Variants in CACNG4 observed in about 807,000 individuals in gnomAD.
CACNG4 encodes calcium voltage-gated channel auxiliary subunit gamma 4, also known as voltage-dependent calcium channel gamma-4 subunit.
Under a neutral mutation model 22.9 loss-of-function variants are expected in CACNG4, and 8 were observed. The observed-to-expected ratio is 0.35, with a 90% CI of 0.21 to 0.63. The LOEUF is 0.63. CACNG4 is among the 30% of genes least tolerant of loss of function. The pLI, the probability that CACNG4 is intolerant of heterozygous loss-of-function variation, is 0.72. For missense variants in CACNG4, 357 were observed against 455.4 expected (o/e 0.78, Z 1.97); for synonymous variants, 188 against 191.9 (o/e 0.98, Z 0.17).
At chr17:66,965,749 G>A (rs1041089432) in intron 1 of CACNG4, among the ~76,000 whole-genome samples, 2 of 151,966 alleles carry the variant, frequency 1.3e-5, no homozygotes, top group Admixed American at 6.5e-5. Flanking sequence ...CGGAGCCGGG[G>A]TAGGGGCTGA....
chr17:67,004,460 G>A (rs966305362), intron 1 of CACNG4, among the ~76,000 whole-genome samples: 2 of 152,154 alleles, frequency 1.3e-5, no homozygotes, highest in Admixed American at 6.5e-5. Flanking sequence ...TCCACGCAGC[G>A]TGGGGCTGGT....
intron 1 of CACNG4, among the ~76,000 whole-genome samples, chr17:66,977,099 C>T (rs956716331): frequency 1.3e-5 from 2 of 152,196 alleles, no homozygotes; most frequent in African/African-American, 4.8e-5. Context: ...CTCTCTCCAT[C>T]TCAGAGCACT....
At chr17:67,023,182 G>T (rs1197411435) in intron 2 of CACNG4, among the ~76,000 whole-genome samples, 1 of 151,610 alleles carries the variant, frequency 6.6e-6, no homozygotes, top group African/African-American at 2.4e-5. Context: ...TTATAAGGAT[G>T]CTCGTCGTTG....
intron 1 of CACNG4, among the ~76,000 whole-genome samples, chr17:66,989,485 A>G (rs893941772): frequency 2.0e-5 from 3 of 151,440 alleles, no homozygotes; most frequent in African/African-American, 4.9e-5. Flanking sequence ...GATCCTTCAG[A>G]GAGAGCATGG....
chr17:67,001,392 A>G (rs1181222414), intron 1 of CACNG4, among the ~76,000 whole-genome samples: 1 of 151,798 alleles, frequency 6.6e-6, no homozygotes, highest in Non-Finnish European at 1.5e-5. Flanking sequence ...TGGTTCTCTA[A>G]TTCAAGCCCC....
chr17:67,002,468 G>A (rs1267647123), intron 1 of CACNG4, among the ~76,000 whole-genome samples: 1 of 152,144 alleles, frequency 6.6e-6, no homozygotes, highest in Admixed American at 6.5e-5. Context: ...GGCTGCCCTG[G>A]AAGAACTGTT....
chr17:66,996,979 A>G (rs1180846170), intron 1 of CACNG4, among the ~76,000 whole-genome samples: 1 of 152,150 alleles, frequency 6.6e-6, no homozygotes, highest in Non-Finnish European at 1.5e-5. Context: ...ATGGTTCGAA[A>G]CAGCATGAGC....
intron 1 of CACNG4, among the ~76,000 whole-genome samples, chr17:67,014,410 A>G (rs1443830912): frequency 1.3e-5 from 2 of 151,990 alleles, no homozygotes; most frequent in East Asian, 3.9e-4. Context: ...GATTCGGGGG[A>G]GGTGAGGCAA....
At chr17:67,025,189 C>A (rs2035556719) in intron 3 of CACNG4, among the ~76,000 whole-genome samples, 189 bp downstream of exon 3, 1 of 152,214 alleles carries the variant, frequency 6.6e-6, no homozygotes, top group African/African-American at 2.4e-5. Context: ...GGAGCAGCTG[C>A]CAAACAGAGC....
At chr17:67,006,745 G>A (rs1456061711) in intron 1 of CACNG4, among the ~76,000 whole-genome samples, 1 of 152,210 alleles carries the variant, frequency 6.6e-6, no homozygotes, top group Non-Finnish European at 1.5e-5. Context: ...ACGGGGCCTG[G>A]TGTCAATCAA....
chr17:67,014,943 CAAAA>C (rs1163062678), intron 1 of CACNG4, among the ~76,000 whole-genome samples: 18 of 95,340 alleles, frequency 1.9e-4, no homozygotes, highest in African/African-American at 5.0e-4. Context: ...TCTCCAAAAA[CAAAA>C]AAAAAAAAAA....
At chr17:66,968,409 T>A (rs560791142) in intron 1 of CACNG4, among the ~76,000 whole-genome samples, 1 of 150,348 alleles carries the variant, frequency 6.7e-6, no homozygotes, top group Non-Finnish European at 1.5e-5. Context: ...TTTTCCCTTC[T>A]CCCTTTTTCT....
At chr17:67,025,807 A>T (rs976784066) in intron 3 of CACNG4, among the ~76,000 whole-genome samples, 1 of 152,202 alleles carries the variant, frequency 6.6e-6, no homozygotes, top group Non-Finnish European at 1.5e-5. Context: ...GAGAGGGTAG[A>T]TGACTTCCGT....
chr17:67,002,394 T>G (rs1388516909), intron 1 of CACNG4, among the ~76,000 whole-genome samples: 1 of 152,112 alleles, frequency 6.6e-6, no homozygotes, highest in Non-Finnish European at 1.5e-5. Context: ...CGTGGGGACA[T>G]AGCCAAACCA....
chr17:67,002,637 T>TCTCTCTCTCTCTCTCTCTCTCTCTCTCA (rs2035415253), intron 1 of CACNG4, among the ~76,000 whole-genome samples: 1 of 151,876 alleles, frequency 6.6e-6, no homozygotes, highest in Non-Finnish European at 1.5e-5. Context: ...TCTCTCTCTC[T>TCTCTCTCTCTCTCTCTCTCTCTCTCTCA]CTCTCTCTCC....
intron 1 of CACNG4, among the ~76,000 whole-genome samples, chr17:67,005,604 A>G (rs1301736548): frequency 6.6e-6 from 1 of 152,228 alleles, no homozygotes; most frequent in African/African-American, 2.4e-5. Context: ...CTGCTTCCTA[A>G]GGGAACCAGA....
chr17:67,006,489 G>C (rs558890852), intron 1 of CACNG4, among the ~76,000 whole-genome samples: 12 of 152,098 alleles, frequency 7.9e-5, no homozygotes, highest in African/African-American at 2.9e-4. Context: ...GTCCCTTCCA[G>C]AAGCTCATGC....
chr17:67,017,055 A>G (rs2035502810), intron 1 of CACNG4, among the ~76,000 whole-genome samples: 1 of 152,032 alleles, frequency 6.6e-6, no homozygotes, highest in Non-Finnish European at 1.5e-5. Context: ...TGTGTACCTG[A>G]GGAAGGAGTC....
In CACNG4 at chr17:67,031,769, A is replaced by G. The variant is rs1018348928; in HGVS notation, c.*765A>G. The G allele has an allele frequency of 2.2e-6, 1 of 456,732 alleles. No homozygotes were observed. Among genetic ancestry groups the G allele is most frequent in the Non-Finnish European group, 4.4e-6 (1 of 226,966 alleles). 28.3% of individuals were successfully genotyped at this position (456,732 alleles called of 1,614,324 possible). On this transcript the variant is annotated 3_prime_UTR_variant, in exon 4 of 4. Transcript: ENST00000262138. This position sits in a 1 kb window ranked among gnomAD's most constrained non-coding sequence, Gnocchi z 4.0. ...AGGACAGACCCACTGACTGGACTTC[A>G]GAGTCTGGAGGGTTCCATCGGTCAG...
Sources: allele counts gnomAD v4.1 joint callset (sites outside exome capture counted in the v4.1 genomes callset), GRCh38; gene constraint gnomAD v4.1.1; non-coding constraint Gnocchi (gnomAD v3.1); transcripts MANE v1.5; gene names NCBI Gene and HGNC (gene_info 2026-07-23, HGNC 2026-07-21).